Variants in NELL1 observed in about 807,000 individuals in gnomAD.
NELL1 encodes the protein neural EGFL like 1.
In NELL1, 76 loss-of-function variants were observed where a neutral mutation model predicts 107.4. That is an observed-to-expected ratio of 0.71 (90% confidence interval 0.59 to 0.86). The LOEUF (loss-of-function observed/expected upper bound fraction) is 0.86, where lower values mean the gene tolerates loss of function less well. NELL1 is among the 40% of genes least tolerant of loss of function. The pLI, the probability that NELL1 is intolerant of heterozygous loss-of-function variation, is 0.00. For missense variants in NELL1, 1,024 were observed against 1,005.5 expected, an observed-to-expected ratio of 1.02 and a Z score of -0.25; for synonymous variants, 353 against 341.2, an observed-to-expected ratio of 1.03 and a Z score of -0.38.
chr11:21,335,700 A>G (rs972911315), intron 14 of NELL1, among the ~76,000 whole-genome samples: 5 of 152,064 alleles, frequency 3.3e-5, no homozygotes, highest in African/African-American at 9.7e-5. Context: ...CCACCCTCTA[A>G]AAACGCAAAT....
chr11:20,969,170 A>C (rs1851444640), intron 12 of NELL1, among the ~76,000 whole-genome samples: 1 of 151,994 alleles, frequency 6.6e-6, no homozygotes, highest in African/African-American at 2.4e-5. Context: ...TGCCCTTTTC[A>C]CTTTCCTGTT....
intron 14 of NELL1, among the ~76,000 whole-genome samples, chr11:21,359,227 T>C (rs1851015769): frequency 6.6e-6 from 1 of 152,196 alleles, no homozygotes; most frequent in Admixed American, 6.5e-5. Flanking sequence ...TCTGCATCTA[T>C]TGAGATGATC....
At chr11:20,931,513 G>A (rs1293294474) in intron 9 of NELL1, among the ~76,000 whole-genome samples, 5 of 152,058 alleles carry the variant, frequency 3.3e-5, no homozygotes, top group South Asian at 2.1e-4. Flanking sequence ...CAGTGCCTAC[G>A]TATTTCAAAA....
intron 8 of NELL1, among the ~76,000 whole-genome samples, 170 bp from the exon 9 acceptor site, chr11:20,928,207 T>A (rs2134172971): frequency 6.6e-6 from 1 of 152,280 alleles, no homozygotes; most frequent in Admixed American, 6.5e-5. Flanking sequence ...GTGGTACAGG[T>A]CATTCGGGCC....
At chr11:21,231,520 G>A in intron 14 of NELL1, among the ~76,000 whole-genome samples, 1 of 152,114 alleles carries the variant, frequency 6.6e-6, no homozygotes, top group East Asian at 1.9e-4. Context: ...CCCACTGCTG[G>A]TACCTGCATG....
In NELL1 at chr11:21,503,515, G is replaced by A. The variant is rs1323632664; in HGVS notation, c.1646-30859G>A. Among the ~76,000 whole-genome samples, 3 of 152,118 alleles carry A rather than the reference G, an allele frequency of 2.0e-5. 1 individual carries two copies. Among genetic ancestry groups the A allele is most frequent in the Admixed American group, 1.3e-4 (2 of 15,252 alleles). On this transcript the variant is annotated intron_variant, in intron 15 of 19. Coordinates refer to ENST00000357134, the MANE Select transcript of NELL1 (RefSeq NM_006157.5). ...TGGGCAAGTTCTCCTATCTATGTGA[G>A]CCTCAATTTCCTCATCTTTGAAATG...
At chr11:20,927,248 G>C in intron 7 of NELL1, 60 bp from the exon 8 acceptor site, 1 of 1,512,936 alleles carries the variant, frequency 6.6e-7, no homozygotes, top group Non-Finnish European at 8.9e-7. Context: ...GTTGCTATTA[G>C]CTTTGTTAGG....
chr11:21,533,814 T>C (rs1158106039), intron 15 of NELL1, among the ~76,000 whole-genome samples: 2 of 152,132 alleles, frequency 1.3e-5, no homozygotes, highest in East Asian at 3.9e-4. Context: ...ATTAAAGGTA[T>C]CCCAAGAAAA....
chr11:21,375,467 G>A (rs934430421), intron 15 of NELL1, among the ~76,000 whole-genome samples: 5 of 152,036 alleles, frequency 3.3e-5, no homozygotes, highest in Admixed American at 6.6e-5. Flanking sequence ...CACTTAGATT[G>A]ATTCTATATA....
intron 4 of NELL1, among the ~76,000 whole-genome samples, chr11:20,876,617 T>G (rs1311628442): frequency 3.3e-5 from 5 of 152,048 alleles, no homozygotes; most frequent in African/African-American, 1.2e-4. Context: ...ACAAAAAAAT[T>G]AGCTGGGCGC....
intron 12 of NELL1, among the ~76,000 whole-genome samples, chr11:20,988,444 T>C (rs200799944): frequency 4.5e-4 from 60 of 133,588 alleles, no homozygotes; most frequent in African/African-American, 1.6e-3. Flanking sequence ...TATATCTATA[T>C]ATACACATGT....
chr11:20,919,210 A>G, intron 6 of NELL1, 42 bp from the exon 7 acceptor site: 2 of 1,217,400 alleles, frequency 1.6e-6, no homozygotes, highest in Non-Finnish European at 1.2e-6. Context: ...TTCTTATATT[A>G]GCACAATATA....
intron 15 of NELL1, among the ~76,000 whole-genome samples, chr11:21,511,117 G>T (rs1855424281): frequency 6.6e-6 from 1 of 152,138 alleles, no homozygotes. Flanking sequence ...ACTTAGAAGA[G>T]TGCTTGGCAG....
chr11:21,478,931 A>G (rs1011471473), intron 15 of NELL1, among the ~76,000 whole-genome samples: 3 of 152,268 alleles, frequency 2.0e-5, no homozygotes, highest in Non-Finnish European at 4.4e-5. Flanking sequence ...GCAAACAGGC[A>G]TGTAAAAAGG....
chr11:21,260,005 A>T (rs1039306602), intron 14 of NELL1: 5 of 152,090 alleles, frequency 3.3e-5, no homozygotes, highest in African/African-American at 9.6e-5. Flanking sequence ...ATAGTTCTCA[A>T]TTCATTAAGT....
intron 13 of NELL1, among the ~76,000 whole-genome samples, chr11:21,220,479 A>C (rs148668528): frequency 0.025 from 3,820 of 152,266 alleles, 90 homozygotes; most frequent in Non-Finnish European, 0.038. Context: ...GGTTTGTTTA[A>C]CAATATTAAT....
intron 2 of NELL1, among the ~76,000 whole-genome samples, chr11:20,697,078 C>T (rs1412911765): frequency 1.3e-5 from 2 of 152,146 alleles, no homozygotes; most frequent in Non-Finnish European, 1.5e-5. Context: ...GCCAAACTTA[C>T]AAGGAGGCAA....
In NELL1 at chr11:21,341,611, C is replaced by T. The variant is rs137969127; in HGVS notation, c.1550-29242C>T. Among the ~76,000 whole-genome samples the T allele has an allele frequency of 1.2e-4, 19 of 152,214 alleles. No homozygotes were observed. In the East Asian group the frequency reaches 2.7e-3, roughly 22 times the overall value. On this transcript the variant is annotated intron_variant, in intron 14 of 19. Coordinates refer to ENST00000357134, the MANE Select transcript of NELL1 (RefSeq NM_006157.5). ...GAAGGATAATTTCTCCAGCTAAGAG[C>T]GCATGGCCAGTAGCTGAAACTGTTC...
At position 20,969,997 on chromosome 11, in the gene NELL1, T is replaced by C. The variant is rs116501972; in HGVS notation, c.1300+9437T>C. The stretch of plus-strand genomic sequence containing the variant: ...ATTGGCAGTATTTGTTCTAGAACAC[T>C]AGAACACAGGTCTTTAGATCTTCAT... On this transcript the variant is annotated intron_variant, in intron 12 of 19. Coordinates refer to ENST00000357134, the MANE Select transcript of NELL1 (RefSeq NM_006157.5). Among the ~76,000 whole-genome samples the C allele has an allele frequency of 5.7e-3, 861 of 152,132 alleles. 12 individuals are homozygous for C. The highest frequency in any genetic ancestry group is 0.02 in the African/African-American group (816 of 41,508).
Sources: allele counts gnomAD v4.1 joint callset (sites outside exome capture counted in the v4.1 genomes callset), GRCh38; gene constraint gnomAD v4.1.1; transcripts MANE v1.5; gene names NCBI Gene and HGNC (gene_info 2026-07-23, HGNC 2026-07-21).